AHNAK2: variants seen among roughly 807,000 people sequenced by gnomAD.
The protein encoded by AHNAK2 is AHNAK nucleoprotein 2.
Under a neutral mutation model 30.7 loss-of-function variants are expected in AHNAK2, and 18 were observed. The ratio of observed to expected loss-of-function variants is 0.59; its 90% CI spans 0.41 to 0.87. AHNAK2 has a LOEUF of 0.87. AHNAK2 is among the 40% of genes least tolerant of loss of function. The pLI, the probability that AHNAK2 is intolerant of heterozygous loss-of-function variation, is 0.00. For synonymous variants in AHNAK2, 3,590 were observed against 3,073.8 expected (o/e 1.17, Z -5.56); for missense variants, 8,604 against 7,373.0 (o/e 1.17, Z -6.11).
At chr14:104,961,193 T>C (rs559434609) in intron 1 of AHNAK2, among the ~76,000 whole-genome samples, 1 of 150,332 alleles carries the variant, frequency 6.7e-6, no homozygotes, top group South Asian at 2.1e-4. Context: ...AAGTAAAGCA[T>C]ATGACAGGAT....
rs367653109 is a variant in AHNAK2, at chr14:104,942,698, A to C, written c.12753T>G (p.Asp4251Glu). 183 of 1,609,774 alleles carry C rather than the reference A, an allele frequency of 1.1e-4. 1 individual carries two copies. The highest frequency in any genetic ancestry group is 8.8e-4 in the African/African-American group (65 of 73,780). Residue 4251 changes from aspartate to glutamate, a missense_variant, in exon 7 of 7, where the codon GAT (aspartate) becomes GAG (glutamate). By Grantham distance (45) the Asp-to-Glu change is conservative. Coordinates refer to ENST00000333244, the MANE Select transcript of AHNAK2 (RefSeq NM_138420.4). ...ACACCTCCACGACGGGGGTCATCAC[A>C]TCCGCCTTGGGGCCTTTCAGGTCCA... ...PKLDLKGPKA[D>E]VMTPVVEVSL...
Position 104,938,435 on chromosome 14 carries a change from A to T in AHNAK2, c.17016T>A (p.Ser5672=). ...GVDSKNDVQR[S]APIQTQPEAR... Reference sequence around the variant, plus strand: ...CCTCAGGCTGTGTTTGAATGGGAGCAGATCTCTGGACGTCATTTTTGGAAT... The same window carrying T: ...CCTCAGGCTGTGTTTGAATGGGAGCTGATCTCTGGACGTCATTTTTGGAAT... The change falls in exon 7 of 7, where the codon TCT becomes TCA. Residue 5672 remains serine (S), a synonymous_variant. Coordinates refer to ENST00000333244, the MANE Select transcript of AHNAK2 (RefSeq NM_138420.4). The T allele has an allele frequency of 6.2e-7, 1 of 1,613,922 alleles. No individual in the cohort carries two copies. The highest frequency in any genetic ancestry group is 8.5e-7 in the Non-Finnish European group (1 of 1,179,850).
rs1307026978 is a variant in AHNAK2, at chr14:104,943,713, A to T, written c.11738T>A (p.Leu3913Gln). The T allele has an allele frequency of 6.2e-7, 1 of 1,612,794 alleles. No individual in the cohort carries two copies. The highest frequency in any genetic ancestry group is 1.7e-5 in the Admixed American group (1 of 59,904). Reference protein sequence around the residue: ...GPEIDIKGPKLDLKDPKVEVT... With the variant: ...GPEIDIKGPKQDLKDPKVEVT... ...TTCCACCTTGGGGTCTTTTAGGTCC[A>T]GCTTGGGGCCCTTGATGTCTATTTC... Residue 3913 changes from leucine (L) to glutamine (Q), a missense_variant, in exon 7 of 7, where the codon CTG becomes CAG. By Grantham distance (113) the Leu-to-Gln change is moderately radical (BLOSUM62 -2). Coordinates refer to ENST00000333244, the MANE Select transcript of AHNAK2 (RefSeq NM_138420.4).
chr14:104,941,650 G>C lies in AHNAK2; in HGVS notation c.13801C>G (p.Pro4601Ala). 1 of 1,613,562 alleles carries C rather than the reference G, an allele frequency of 6.2e-7. No individual in the cohort carries two copies. Among genetic ancestry groups the C allele is most frequent in the Non-Finnish European group, 8.5e-7 (1 of 1,179,862 alleles). ...LPSVETDVQA[P>A]GSMLDGARLE... The stretch of plus-strand genomic sequence containing the variant: ...CGCGCACCATCCAGCATGGATCCTG[G>C]GGCCTGGACATCCGTCTCCACGCTG... The change falls in exon 7 of 7, where the codon CCA (proline) becomes GCA (alanine). Residue 4601 changes from proline to alanine, a missense_variant. Pro to Ala is a conservative substitution (Grantham distance 27). Transcript: ENST00000333244.
intron 1 of AHNAK2, among the ~76,000 whole-genome samples, chr14:104,967,913 G>T (rs934099667): frequency 1.3e-5 from 2 of 152,198 alleles, no homozygotes; most frequent in African/African-American, 4.8e-5. Context: ...AGGAAGCCCC[G>T]CCTCGGCCGC....
rs1227265778 is a variant in AHNAK2, at chr14:104,952,827, T to A, written c.2624A>T (p.Asp875Val). 6.2e-7 allele frequency: 1 copy of A among 1,611,802 alleles called. No individual in the cohort carries two copies. Among genetic ancestry groups the A allele is most frequent in the Non-Finnish European group, 8.5e-7 (1 of 1,179,376 alleles). Residue 875 changes from aspartate to valine, a missense_variant, in exon 7 of 7, where the codon GAC (aspartate) becomes GTC (valine). Coordinates refer to ENST00000333244, the MANE Select transcript of AHNAK2 (RefSeq NM_138420.4). ...AATGCTGAGGTCAGTGGCCTTGAGGTCCCCCTGCATGGAGGAGAGGCTCAC... is the reference window on the plus strand; with the variant it reads ...AATGCTGAGGTCAGTGGCCTTGAGGACCCCCTGCATGGAGGAGAGGCTCAC... The part of the protein sequence containing the change: ...ADVSLSSMQG[D>V]LKATDLSIQP...
rs1388856906 is a variant in AHNAK2, at chr14:104,952,893, T to G, written c.2558A>C (p.Glu853Ala). The change falls in exon 7 of 7, where the codon GAG becomes GCG. Residue 853 changes from glutamate to alanine, a missense_variant. Coordinates refer to ENST00000333244, the MANE Select transcript of AHNAK2 (RefSeq NM_138420.4). The part of the protein sequence containing the change: ...FGVSAPGKSM[E>A]DSVDVSAPKV... ...CGGCGCAGACACATCCACCGAGTCC[T>G]CCATGGACTTGCCTGGGGCCGACAC... 6 of 1,611,658 alleles carry G rather than the reference T, an allele frequency of 3.7e-6. No homozygotes were observed. The African/African-American group carries it at 6.8e-5, about 18-fold the overall frequency.
At position 104,966,204 on chromosome 14, in the gene AHNAK2, C is replaced by G. The variant is rs1899296910; in HGVS notation, c.56-8532G>C. On this transcript the variant is annotated intron_variant, in intron 1 of 6. Coordinates refer to ENST00000333244, the MANE Select transcript of AHNAK2 (RefSeq NM_138420.4). The surrounding 1 kb of genome is among the most constrained non-coding windows in gnomAD (Gnocchi z 4.3). ...GGGTCAGTGCCAGGAGGCATCAACA[C>G]TCACCCCCACGTCATCCCGGCCCCG... 6.6e-6 allele frequency among the ~76,000 whole-genome samples: 1 copy of G among 152,102 alleles called. No individual in the cohort carries two copies. The highest frequency in any genetic ancestry group is 1.5e-5 in the Non-Finnish European group (1 of 67,996).
chr14:104,970,338 G>T, intron 1 of AHNAK2: 1 of 836,172 alleles, frequency 1.2e-6, no homozygotes, highest in Non-Finnish European at 1.4e-6. Flanking sequence ...GCAGGTCGGG[G>T]GATGCCTAGC....
In AHNAK2 at chr14:104,947,566, G is replaced by C. The variant is rs545104434; in HGVS notation, c.7885C>G (p.Arg2629Gly). 5.0e-6 allele frequency: 8 copies of C among 1,609,800 alleles called. No individual in the cohort carries two copies. The highest frequency in any genetic ancestry group is 6.8e-6 in the Non-Finnish European group (8 of 1,178,496). ...GCCAGGGACAGGTCCCCCTCCAGCC[G>C]CGCACCATCCAGCTTTGCTCTCGGG... Reference protein sequence around the residue: ...QAPRAKLDGARLEGDLSLADK... With the variant: ...QAPRAKLDGAGLEGDLSLADK... Residue 2629 changes from arginine (R) to glycine (G), a missense_variant, in exon 7 of 7, where the codon CGG (arginine) becomes GGG (glycine). Physicochemically the swap from Arg to Gly is moderately radical, Grantham distance 125. Transcript: ENST00000333244.
chr14:104,941,279 A>T lies in AHNAK2; in HGVS notation c.14172T>A (p.Gly4724=). ...TKTPKDSLVP[G]AKSSIGLSTI... Reference sequence around the variant, plus strand: ...TGGAAAGACCTATGCTAGACTTTGCACCTGGGACTAAACTATCTTTAGGAG... The same window carrying T: ...TGGAAAGACCTATGCTAGACTTTGCTCCTGGGACTAAACTATCTTTAGGAG... The change falls in exon 7 of 7, where the codon GGT becomes GGA. Residue 4724 remains glycine, a synonymous_variant. Transcript: ENST00000333244. The T allele has an allele frequency of 6.2e-7, 1 of 1,613,580 alleles. No homozygotes were observed. The highest frequency in any genetic ancestry group is 8.5e-7 in the Non-Finnish European group (1 of 1,179,838).
At position 104,966,082 on chromosome 14, in the gene AHNAK2, T is replaced by C. The variant is rs1242602372; in HGVS notation, c.56-8410A>G. Among the ~76,000 whole-genome samples the C allele has an allele frequency of 5.9e-5, 9 of 152,176 alleles. No individual in the cohort carries two copies. On this transcript the variant is annotated intron_variant, in intron 1 of 6. Coordinates refer to ENST00000333244, the MANE Select transcript of AHNAK2 (RefSeq NM_138420.4). The surrounding 1 kb of genome is among the most constrained non-coding windows in gnomAD (Gnocchi z 4.3). ...TCACAGCCCAGGTCCCCTCTGGCTC[T>C]GCTCTCAGGCCTGGCAGGGCTGGAG... is the stretch of plus-strand genomic sequence containing the variant.
intron 1 of AHNAK2, among the ~76,000 whole-genome samples, chr14:104,958,095 G>C (rs10137166): frequency 0.49 from 74,469 of 152,110 alleles, 19,729 homozygotes; most frequent in Middle Eastern, 0.63. Context: ...GCAGTGAATG[G>C]AAAGTGTCTC....
chr14:104,976,506 G>A (rs910507829), intron 1 of AHNAK2, among the ~76,000 whole-genome samples: 1 of 152,202 alleles, frequency 6.6e-6, no homozygotes, highest in Admixed American at 6.5e-5. Flanking sequence ...AGGAATGCAC[G>A]TTCCTGGGCC....
Position 104,938,363 on chromosome 14 carries a change from C to T in AHNAK2, c.17088G>A (p.Trp5696Ter), listed in dbSNP as rs760602090. Residue 5696 changes from tryptophan to a stop codon, truncating the protein, a stop_gained, in exon 7 of 7, where the codon TGG becomes TGA. Coordinates refer to ENST00000333244, the MANE Select transcript of AHNAK2 (RefSeq NM_138420.4). LOFTEE classifies it low-confidence loss of function (END_TRUNC). ...AGAACCCTAATTTGGGAAATCGGAACCAGCCTGCCTTCTCCTGTTTTTTAG... is the reference window on the plus strand; with the variant it reads ...AGAACCCTAATTTGGGAAATCGGAATCAGCCTGCCTTCTCCTGTTTTTTAG... Reference protein sequence around the residue: ...ELPKKQEKAGWFRFPKLGFSS... With the variant: ...ELPKKQEKAG The T allele has an allele frequency of 1.9e-6, 3 of 1,613,868 alleles. No individual in the cohort carries two copies. In the African/African-American group the frequency reaches 4.0e-5, roughly 22 times the overall value.
rs760466403 is a variant in AHNAK2 at position 104,954,254 on chromosome 14, G to A, written c.1197C>T (p.Leu399=). The change falls in exon 7 of 7, where the codon CTC becomes CTT. Residue 399 remains leucine (L), a synonymous_variant. Coordinates refer to ENST00000333244, the MANE Select transcript of AHNAK2 (RefSeq NM_138420.4). This position sits in a 1 kb window ranked among gnomAD's most constrained non-coding sequence, Gnocchi z 4.3. ...TTCCCTCGCAAAGTCTAGGGTCACC[G>A]AGCTCTGTGGGCAATGGCATGCTCT... ...PAQSMPLPTE[L]GDPRLCEGTP... is the part of the protein sequence containing the mutation. 4.3e-6 allele frequency: 7 copies of A among 1,612,800 alleles called. No homozygotes were observed. Among genetic ancestry groups the A allele is most frequent in the East Asian group, 2.2e-5 (1 of 44,868 alleles).
At position 104,951,968 on chromosome 14, in the gene AHNAK2, G is replaced by A. The variant is rs757384726; in HGVS notation, c.3483C>T (p.Ser1161=). Residue 1161 remains serine, a synonymous_variant, in exon 7 of 7, where the codon AGC becomes AGT. Coordinates refer to ENST00000333244, the MANE Select transcript of AHNAK2 (RefSeq NM_138420.4). ...TCTTGAACTTGGGCATTTTGAACCTGCTGTCTTTGGCAGTCACATCCTTGT... is the reference window on the plus strand; with the variant it reads ...TCTTGAACTTGGGCATTTTGAACCTACTGTCTTTGGCAGTCACATCCTTGT... ...LADKDVTAKD[S]RFKMPKFKMP... The A allele has an allele frequency of 3.7e-6, 6 of 1,612,100 alleles. No homozygotes were observed. The Admixed American group carries it at 8.4e-5, about 22-fold the overall frequency.
chr14:104,946,201 T>A lies in AHNAK2; in HGVS notation c.9250A>T (p.Lys3084Ter), dbSNP rs1898259350. The A allele has an allele frequency of 6.3e-7, 1 of 1,595,538 alleles. No individual in the cohort carries two copies. Among genetic ancestry groups the A allele is most frequent in the Non-Finnish European group, 8.5e-7 (1 of 1,171,164 alleles). The change falls in exon 7 of 7, where the codon AAG (lysine) becomes TAG (stop). Residue 3084 changes from lysine (K) to a stop codon, truncating the protein, a stop_gained. Transcript: ENST00000333244. LOFTEE classifies it low-confidence loss of function (END_TRUNC). ...VDRKGPQIDVKGPKLDLKGPK... is the reference protein window; with the variant it reads ...VDRKGPQIDV Reference sequence around the variant, plus strand: ...CCTTTCAGGTCCAGCTTGGGGCCCTTGACATCTATCTGGGGTCCCTTGCGA... The same window carrying A: ...CCTTTCAGGTCCAGCTTGGGGCCCTAGACATCTATCTGGGGTCCCTTGCGA...
chr14:104,947,319 T>C lies in AHNAK2; in HGVS notation c.8132A>G (p.Gln2711Arg). ...GCCCTCTGGGAGTTTCACATCCACC[T>C]GGCCAGCCTGGACCTCCAGTTGGGC... is the stretch of plus-strand genomic sequence containing the variant. ...PSAQLEVQAG[Q>R]VDVKLPEGHV... Residue 2711 changes from glutamine (Q) to arginine (R), a missense_variant, in exon 7 of 7, where the codon CAG (glutamine) becomes CGG (arginine). Physicochemically the swap from Gln to Arg is conservative, Grantham distance 43 (BLOSUM62 1). Transcript: ENST00000333244. The C allele has an allele frequency of 6.2e-7, 1 of 1,612,172 alleles. No homozygotes were observed. Among genetic ancestry groups the C allele is most frequent in the Non-Finnish European group, 8.5e-7 (1 of 1,179,452 alleles).
Sources: gnomAD v4.1 joint callset for allele counts (sites outside exome capture counted in the v4.1 genomes callset) on GRCh38, gnomAD v4.1.1 for gene constraint, Gnocchi (gnomAD v3.1) non-coding constraint, MANE v1.5 for transcripts, NCBI Gene and HGNC (gene_info 2026-07-23, HGNC 2026-07-21) for gene names.